The following ANKRD36C variants were observed in gnomAD, a reference collection of about 807,000 sequenced individuals.
ANKRD36C encodes the protein ankyrin repeat domain 36C.
Under a neutral mutation model 276.4 loss-of-function variants are expected in ANKRD36C, and 61 were observed. The observed-to-expected ratio is 0.22, with a 90% CI of 0.18 to 0.27. ANKRD36C has a LOEUF of 0.27. ANKRD36C is among the 10% of genes least tolerant of loss of function. ANKRD36C has a pLI of 1.00. For synonymous variants in ANKRD36C, 483 were observed against 680.1 expected, an observed-to-expected ratio of 0.71 and a Z score of 4.51; for missense variants, 1,447 against 2,032.3, an observed-to-expected ratio of 0.71 and a Z score of 5.54.
intron 44 of ANKRD36C, chr2:95,894,424 A>C (rs1676473192): frequency 6.6e-6 from 1 of 151,908 alleles, no homozygotes; most frequent in African/African-American, 2.4e-5. Context: ...AAATATCATC[A>C]TTTATCAACT....
rs182040256 is a variant in ANKRD36C, at chr2:95,880,657, T to C, written c.3368-34A>G. Reference sequence around the variant, plus strand: ...CAAGAGAAATATATAATCAATCATATGTAAATATGGTAAGGCCAACCATAC... The same window carrying C: ...CAAGAGAAATATATAATCAATCATACGTAAATATGGTAAGGCCAACCATAC... On this transcript the variant is annotated intron_variant, in intron 56 of 66. Coordinates refer to ENST00000456556, the Ensembl canonical transcript of ANKRD36C. 16 of 1,515,766 alleles carry C rather than the reference T, an allele frequency of 1.1e-5. No individual in the cohort carries two copies. In the East Asian group the frequency reaches 2.9e-4, roughly 28 times the overall value. 93.9% of individuals were successfully genotyped at this position (1,515,766 alleles called of 1,614,324 possible).
chr2:95,984,144 T>C (rs1221760084), intron 3 of ANKRD36C, among the ~76,000 whole-genome samples: 1 of 151,908 alleles, frequency 6.6e-6, no homozygotes, highest in Non-Finnish European at 1.5e-5. Flanking sequence ...ATATAGACTC[T>C]ACATTTAAAT....
At chr2:95,923,085 G>A (rs1194320504) in intron 32 of ANKRD36C, among the ~76,000 whole-genome samples, 11 of 151,406 alleles carry the variant, frequency 7.3e-5, no homozygotes, top group South Asian at 2.1e-4. Flanking sequence ...ATTAGTTCTC[G>A]TTCTACAATT....
chr2:95,955,704 G>A (rs1455406444), intron 13 of ANKRD36C, among the ~76,000 whole-genome samples: 2 of 152,080 alleles, frequency 1.3e-5, no homozygotes, highest in African/African-American at 4.8e-5. Context: ...TTTGAACTAA[G>A]AAACCTGAGT....
intron 30 of ANKRD36C, among the ~76,000 whole-genome samples, chr2:95,925,092 C>G (rs1006434208): frequency 6.6e-6 from 1 of 151,552 alleles, no homozygotes; most frequent in Admixed American, 6.6e-5. Flanking sequence ...TGCTGTCCTC[C>G]GATCCTCTTA....
intron 42 of ANKRD36C, among the ~76,000 whole-genome samples, chr2:95,911,016 T>C (rs1418458038): frequency 2.0e-5 from 3 of 151,466 alleles, no homozygotes; most frequent in Non-Finnish European, 4.4e-5. Context: ...GCCCAATAAC[T>C]GAGAAGGCAC....
chr2:95,976,564 G>C (rs1678813697), intron 6 of ANKRD36C, among the ~76,000 whole-genome samples: 1 of 152,124 alleles, frequency 6.6e-6, no homozygotes, highest in Non-Finnish European at 1.5e-5. Flanking sequence ...ATTACCCTTA[G>C]GTTTTGACAA....
chr2:95,927,144 T>C lies in ANKRD36C; in HGVS notation c.1939+70A>G, dbSNP rs542243319. The C allele has an allele frequency of 1.8e-5, 28 of 1,588,008 alleles. No individual in the cohort carries two copies. In the African/African-American group the frequency reaches 2.6e-4, roughly 15 times the overall value. On this transcript the variant is annotated intron_variant, in intron 28 of 66. Coordinates refer to ENST00000456556, the Ensembl canonical transcript of ANKRD36C. ...CAGCTTCAATGAATCCCCCGCTGAT[T>C]TATTCCAGGGAAGAGAAGTACTTTT...
chr2:95,912,302 C>G (rs778920669), exon 42 of ANKRD36C: 2 of 1,575,832 alleles, frequency 1.3e-6, no homozygotes, highest in Non-Finnish European at 1.7e-6. Context: ...AAGAATCTTT[C>G]TCATCACTTG....
intron 14 of ANKRD36C, among the ~76,000 whole-genome samples, chr2:95,953,728 C>A (rs1449829716): frequency 6.6e-6 from 1 of 151,818 alleles, no homozygotes; most frequent in Non-Finnish European, 1.5e-5. Context: ...CAGATCACAC[C>A]TCTCAAAGTA....
At chr2:95,862,838 A>C (rs1017043752) in intron 60 of ANKRD36C, among the ~76,000 whole-genome samples, 7 of 151,986 alleles carry the variant, frequency 4.6e-5, no homozygotes, top group African/African-American at 1.7e-4. Flanking sequence ...CAGACCCCAG[A>C]TCTCCTTCAC....
intron 24 of ANKRD36C, among the ~76,000 whole-genome samples, chr2:95,930,614 C>T (rs1033069293): frequency 1.3e-5 from 2 of 151,038 alleles, no homozygotes; most frequent in African/African-American, 4.8e-5. Context: ...TCACTAGAGA[C>T]TTCTTTTCTT....
intron 20 of ANKRD36C, among the ~76,000 whole-genome samples, chr2:95,940,436 G>A (rs1320003578): frequency 1.3e-5 from 2 of 152,332 alleles, no homozygotes; most frequent in African/African-American, 4.8e-5. Context: ...ATATGCTATA[G>A]CATAGCAGCC....
At chr2:95,910,267 G>A (rs1676871834) in intron 42 of ANKRD36C, 106 bp downstream of exon 46, 9 of 1,270,564 alleles carry the variant, frequency 7.1e-6, no homozygotes, top group Admixed American at 5.1e-5. Flanking sequence ...CCGGCCTGCT[G>A]AATCAGAAAG....
At chr2:95,969,073 A>G (rs1255993560) in intron 6 of ANKRD36C, among the ~76,000 whole-genome samples, 1 of 152,048 alleles carries the variant, frequency 6.6e-6, no homozygotes, top group South Asian at 2.1e-4. Flanking sequence ...TCCAAATCCA[A>G]TCCTTTTGGG....
At chr2:95,949,149 C>T (rs185539942) in intron 16 of ANKRD36C, among the ~76,000 whole-genome samples, 1 of 152,152 alleles carries the variant, frequency 6.6e-6, no homozygotes, top group Non-Finnish European at 1.5e-5. Context: ...TAGAACACTA[C>T]AGGGAACCCC....
chr2:95,916,931 G>A (rs927239904), intron 36 of ANKRD36C, among the ~76,000 whole-genome samples: 1 of 151,624 alleles, frequency 6.6e-6, no homozygotes, highest in East Asian at 2.0e-4. Context: ...ATATTGAGCA[G>A]TTTTTCATTC....
intron 56 of ANKRD36C, among the ~76,000 whole-genome samples, chr2:95,881,206 A>G (rs1267746937): frequency 6.6e-6 from 1 of 151,950 alleles, no homozygotes; most frequent in Admixed American, 6.6e-5. Flanking sequence ...TATCATGCCC[A>G]TGTGGTGTAA....
intron 59 of ANKRD36C, among the ~76,000 whole-genome samples, chr2:95,873,654 C>T (rs1000348565): frequency 1.3e-5 from 2 of 152,208 alleles, no homozygotes; most frequent in African/African-American, 4.8e-5. Flanking sequence ...TCCTATTCAA[C>T]ATAGTGTTGG....
Sources: gnomAD v4.1 joint callset for allele counts (sites outside exome capture counted in the v4.1 genomes callset) on GRCh38, gnomAD v4.1.1 for gene constraint, MANE v1.5 for transcripts, NCBI Gene and HGNC (gene_info 2026-07-23, HGNC 2026-07-21) for gene names.